Variants in TENM3 observed in about 807,000 individuals in gnomAD.
TENM3 encodes teneurin-3.
A neutral mutation model predicts 255.1 loss-of-function variants in TENM3; 63 were observed. That is an observed-to-expected ratio of 0.25 (90% CI 0.20 to 0.30). The LOEUF (loss-of-function observed/expected upper bound fraction) is 0.30, where lower values mean the gene tolerates loss of function less well. Ranked by LOEUF, TENM3 falls within the 10% of genes least tolerant of loss-of-function variation. TENM3 has a pLI of 1.00. For missense variants in TENM3, 2,929 were observed against 3,461.1 expected (o/e 0.85, Z 3.86); for synonymous variants, 1,306 against 1,322.3 (o/e 0.99, Z 0.27).
chr4:182,665,754 G>C (rs1233288730), intron 6 of TENM3, among the ~76,000 whole-genome samples: 1 of 152,094 alleles, frequency 6.6e-6, no homozygotes. Flanking sequence ...AATTTAGCCG[G>C]ACATGGTGGC....
the TENM3 span, among the ~76,000 whole-genome samples, chr4:181,868,922 T>C: frequency 5.0e-4 from 76 of 152,244 alleles, no homozygotes; most frequent in African/African-American, 1.7e-3. Context: ...TTTTTAGGCC[T>C]CTTTCTAAGA....
the TENM3 span, among the ~76,000 whole-genome samples, chr4:181,612,233 T>G: frequency 6.6e-6 from 1 of 152,144 alleles, no homozygotes; most frequent in Admixed American, 6.6e-5. Context: ...TTACTTTCAT[T>G]TCTTGGTTAG....
chr4:182,250,230 T>C (rs967348606), intron 1 of TENM3, among the ~76,000 whole-genome samples: 4 of 151,836 alleles, frequency 2.6e-5, no homozygotes, highest in Non-Finnish European at 5.9e-5. Context: ...TTTTTTGTAT[T>C]TTTAGTAGAG....
chr4:182,275,815 A>G (rs535958939), intron 1 of TENM3, among the ~76,000 whole-genome samples: 11 of 152,094 alleles, frequency 7.2e-5, no homozygotes, highest in African/African-American at 2.4e-4. Flanking sequence ...CGCATGCTTG[A>G]AGTGCTAGCT....
chr4:182,454,774 C>G (rs1773737759), intron 3 of TENM3, among the ~76,000 whole-genome samples: 2 of 152,188 alleles, frequency 1.3e-5, no homozygotes, highest in Middle Eastern at 6.8e-3. Context: ...GGCATTCTTG[C>G]TTATATGTTT....
the TENM3 span, among the ~76,000 whole-genome samples, chr4:181,496,132 A>T: frequency 1.3e-5 from 2 of 152,060 alleles, no homozygotes; most frequent in Non-Finnish European, 2.9e-5. Context: ...TAGAGCTGTC[A>T]CAGAAATGAA....
chr4:181,678,512 C>T, the TENM3 span, among the ~76,000 whole-genome samples: 1 of 152,044 alleles, frequency 6.6e-6, no homozygotes, highest in Non-Finnish European at 1.5e-5. Flanking sequence ...GGGAACATGT[C>T]TGTTTTTCTC....
the TENM3 span, among the ~76,000 whole-genome samples, chr4:182,052,060 A>G: frequency 3.9e-5 from 6 of 152,206 alleles, no homozygotes; most frequent in East Asian, 1.2e-3. Flanking sequence ...GATGCTATTA[A>G]ACATCCTACA....
intron 1 of TENM3, among the ~76,000 whole-genome samples, chr4:182,258,781 T>A (rs1022237883): frequency 6.6e-6 from 1 of 152,022 alleles, no homozygotes; most frequent in Non-Finnish European, 1.5e-5. Context: ...ATGTCAGGAG[T>A]TTAGAGTAGT....
At chr4:182,665,202 C>G (rs1483012010) in intron 6 of TENM3, among the ~76,000 whole-genome samples, 3 of 152,154 alleles carry the variant, frequency 2.0e-5, no homozygotes, top group African/African-American at 7.2e-5. Flanking sequence ...TTCCTAGAAT[C>G]CTAGGGCCCT....
At chr4:182,252,076 G>C (rs1033847764) in intron 1 of TENM3, among the ~76,000 whole-genome samples, 1 of 151,900 alleles carries the variant, frequency 6.6e-6, no homozygotes. Flanking sequence ...CCAGCTACTC[G>C]GGAGGCTGAG....
the TENM3 span, among the ~76,000 whole-genome samples, chr4:181,479,618 A>C: frequency 1.3e-5 from 2 of 152,078 alleles, no homozygotes; most frequent in African/African-American, 4.8e-5. Context: ...ACACACACAG[A>C]GGAATTATAG....
intron 12 of TENM3, among the ~76,000 whole-genome samples, chr4:182,706,188 C>T (rs753032882): frequency 6.6e-6 from 1 of 152,130 alleles, no homozygotes; most frequent in Non-Finnish European, 1.5e-5. Context: ...GTAACTATAA[C>T]GTTTATTTAG....
the TENM3 span, among the ~76,000 whole-genome samples, chr4:181,605,512 A>G: frequency 5.0e-5 from 1 of 20,068 alleles, no homozygotes; most frequent in African/African-American, 1.2e-4. Flanking sequence ...GAAAGAAAGA[A>G]AGAAAGAAAG....
In TENM3 at chr4:182,745,139, T is replaced by TTAGCAAACAAAAACCAAAC. The variant is rs1412495300; in HGVS notation, c.3629+1739_3629+1757dup. 2.0e-4 allele frequency among the ~76,000 whole-genome samples: 31 copies of TTAGCAAACAAAAACCAAAC among 152,304 alleles called. 1 individual carries two copies. Among genetic ancestry groups the TTAGCAAACAAAAACCAAAC allele is most frequent in the Admixed American group, 1.8e-3 (27 of 15,294 alleles). ...ACCCATTTAAACTGTTGTGTAGTGA[T>TTAGCAAACAAAAACCAAAC]TAGCAAACAAAAACCAAACTAGCAA... On this transcript the variant is annotated intron_variant, in intron 19 of 27. Transcript: ENST00000511685.
chr4:182,631,634 A>G (rs1166251644), intron 5 of TENM3: 1 of 152,230 alleles, frequency 6.6e-6, no homozygotes, highest in Non-Finnish European at 1.5e-5. Flanking sequence ...TCAGTCTGAT[A>G]AACCCCAGTA....
chr4:181,521,202 T>G, the TENM3 span, among the ~76,000 whole-genome samples: 1 of 152,248 alleles, frequency 6.6e-6, no homozygotes, highest in Non-Finnish European at 1.5e-5. Flanking sequence ...CTTGAGCACC[T>G]TCTACAACAC....
chr4:182,792,508 G>A lies in TENM3; in HGVS notation c.5836G>A (p.Val1946Ile), dbSNP rs2152830377. The A allele has an allele frequency of 1.2e-6, 2 of 1,614,018 alleles. No individual in the cohort carries two copies. Among genetic ancestry groups the A allele is most frequent in the Non-Finnish European group, 1.7e-6 (2 of 1,179,902 alleles). The change falls in exon 26 of 28, where the codon GTC becomes ATC. Residue 1946 changes from valine to isoleucine, a missense_variant. This residue lies in a region of TENM3 where 303 missense variants were observed against 425.2 expected (regional missense o/e 0.71). Coordinates refer to ENST00000511685, the MANE Select transcript of TENM3 (RefSeq NM_001080477.4). This position sits in a 1 kb window ranked among gnomAD's most constrained non-coding sequence, Gnocchi z 6.3. ...QTAFLGTSRR[V>I]LFKYRRQTRL... The stretch of plus-strand genomic sequence containing the variant: ...AGCTTTCTTGGGTACAAGTCGGAGG[G>A]TCTTATTCAAATACAGAAGGCAGAC...
At chr4:181,856,919 T>C in the TENM3 span, among the ~76,000 whole-genome samples, 2 of 152,198 alleles carry the variant, frequency 1.3e-5, no homozygotes, top group African/African-American at 4.8e-5. Context: ...TCAGGGCTTA[T>C]TCTGTCACTT....
Sources: gnomAD v4.1 joint callset for allele counts (sites outside exome capture counted in the v4.1 genomes callset) on GRCh38, gnomAD v4.1.1 for gene constraint, gnomAD v4.1.1 regional missense constraint, Gnocchi (gnomAD v3.1) non-coding constraint, MANE v1.5 for transcripts, NCBI Gene and HGNC (gene_info 2026-07-23, HGNC 2026-07-21) for gene names.